Variants in GALNTL5 observed in about 807,000 individuals in gnomAD.
GALNTL5 encodes the protein polypeptide N-acetylgalactosaminyltransferase like 5.
Under a neutral mutation model 51.0 loss-of-function variants are expected in GALNTL5, and 44 were observed. That is an observed-to-expected ratio of 0.86 (90% CI 0.68 to 1.11). The LOEUF (loss-of-function observed/expected upper bound fraction) is 1.11. GALNTL5 is among the 50% of genes least tolerant of loss of function. The pLI, the probability that GALNTL5 is intolerant of heterozygous loss-of-function variation, is 0.00. For missense variants in GALNTL5, 528 were observed against 531.8 expected (o/e 0.99, Z 0.07); for synonymous variants, 192 against 182.8 (o/e 1.05, Z -0.41).
rs142778679 is a variant in GALNTL5, at chr7:152,019,725, G to C, written c.1256G>C (p.Arg419Pro). ...NIRERVELRKRLGCKSFQWYL... is the reference protein window; with the variant it reads ...NIRERVELRKPLGCKSFQWYL... ...CGCGAGCGTGTTGAGTTAAGGAAAC[G>C]ACTGGGTTGCAAGTCATTTCAGTGG... Residue 419 changes from arginine (R) to proline (P), a missense_variant, in exon 9 of 9, where the codon CGA becomes CCA. Arg to Pro is a moderately radical substitution (Grantham distance 103, BLOSUM62 -2). Transcript: ENST00000392800. 1.9e-6 allele frequency: 3 copies of C among 1,613,948 alleles called. No individual in the cohort carries two copies. Among genetic ancestry groups the C allele is most frequent in the Admixed American group, 1.7e-5 (1 of 60,018 alleles).
At chr7:151,975,753 AT>A (rs917071424) in intron 3 of GALNTL5, among the ~76,000 whole-genome samples, 38 of 150,650 alleles carry the variant, frequency 2.5e-4, no homozygotes, top group Non-Finnish European at 3.7e-4. Flanking sequence ...ATGTTTTGGT[AT>A]TTTTTTTTAT....
At chr7:151,963,144 T>C (rs2081012858) in intron 1 of GALNTL5, among the ~76,000 whole-genome samples, 1 of 152,224 alleles carries the variant, frequency 6.6e-6, no homozygotes, top group Non-Finnish European at 1.5e-5. Flanking sequence ...GATGTCATTT[T>C]GACACTCTTT....
chr7:151,965,756 ATGTGCC>A (rs1342912067), intron 1 of GALNTL5, among the ~76,000 whole-genome samples: 1 of 152,088 alleles, frequency 6.6e-6, no homozygotes, highest in African/African-American at 2.4e-5. Flanking sequence ...GCGTGGTGGC[ATGTGCC>A]TGTGGTCTCA....
chr7:152,016,278 C>T (rs1458759907), intron 8 of GALNTL5, among the ~76,000 whole-genome samples: 1 of 152,106 alleles, frequency 6.6e-6, no homozygotes, highest in Non-Finnish European at 1.5e-5. Context: ...ATGGCACACT[C>T]CTGTAGTCCC....
intron 5 of GALNTL5, among the ~76,000 whole-genome samples, chr7:151,989,659 C>A (rs984263069): frequency 7.2e-5 from 11 of 152,146 alleles, no homozygotes; most frequent in Non-Finnish European, 1.5e-4. Context: ...AAAGATAATG[C>A]CAAATTGTCC....
rs771130575 is a variant in GALNTL5 at position 152,002,779 on chromosome 7, C to T, written c.724C>T (p.His242Tyr). The stretch of plus-strand genomic sequence containing the variant: ...CAGAGTATGGCTGGAGCCCCTGCTG[C>T]ATGCCATTGCCAAGGACCCCAAAAT... The part of the protein sequence containing the change: ...VNRVWLEPLL[H>Y]AIAKDPKMVV... Residue 242 changes from histidine (H) to tyrosine (Y), a missense_variant, in exon 6 of 9, where the codon CAT becomes TAT. Physicochemically the swap from His to Tyr is moderately conservative, Grantham distance 83. Transcript: ENST00000392800. The T allele has an allele frequency of 6.2e-7, 1 of 1,614,128 alleles. No individual in the cohort carries two copies. The highest frequency in any genetic ancestry group is 8.5e-7 in the Non-Finnish European group (1 of 1,179,988).
chr7:151,979,320 T>G (rs2081248685), intron 3 of GALNTL5, among the ~76,000 whole-genome samples: 1 of 149,032 alleles, frequency 6.7e-6, no homozygotes, highest in Non-Finnish European at 1.5e-5. Flanking sequence ...TTCACCATGT[T>G]AGCCAGGATG....
intron 7 of GALNTL5, among the ~76,000 whole-genome samples, chr7:152,013,166 G>C (rs1337847414): frequency 2.6e-5 from 4 of 152,042 alleles, no homozygotes; most frequent in Non-Finnish European, 5.9e-5. Context: ...ACAAAGCAGG[G>C]AACAACAGAT....
intron 8 of GALNTL5, among the ~76,000 whole-genome samples, chr7:152,018,544 G>A (rs755788408): frequency 6.6e-6 from 1 of 152,010 alleles, no homozygotes; most frequent in African/African-American, 2.4e-5. Context: ...GACTTTCACA[G>A]AGCAAAAAGT....
intron 2 of GALNTL5, among the ~76,000 whole-genome samples, chr7:151,967,749 G>C (rs2151939219): frequency 6.6e-6 from 1 of 152,174 alleles, no homozygotes; most frequent in East Asian, 1.9e-4. Context: ...CAAGAAATAA[G>C]TTGTAATAGT....
chr7:151,986,925 C>A (rs2081365915), intron 4 of GALNTL5, among the ~76,000 whole-genome samples: 1 of 151,880 alleles, frequency 6.6e-6, no homozygotes, highest in Non-Finnish European at 1.5e-5. Context: ...GGGGTTTTCA[C>A]CATGTTGGCC....
chr7:152,000,921 T>C (rs1263323515), intron 5 of GALNTL5, among the ~76,000 whole-genome samples: 3 of 150,082 alleles, frequency 2.0e-5, no homozygotes, highest in Admixed American at 1.3e-4. Context: ...CTTTTTTTTT[T>C]TTTTGACAGA....
chr7:152,007,987 C>A (rs1477890661), intron 7 of GALNTL5, 43 bp downstream of exon 7: 8 of 1,074,790 alleles, frequency 7.4e-6, no homozygotes, highest in Non-Finnish European at 1.1e-5. Context: ...GAGAGTGAAA[C>A]CTAACTTTGT....
Position 151,967,508 on chromosome 7 carries a change from T to TC in GALNTL5, c.247+15_247+16insC, listed in dbSNP as rs780365848. The TC allele has an allele frequency of 8.2e-5, 132 of 1,605,094 alleles. 2 individuals carry two copies. In the African/African-American group the frequency reaches 1.6e-3, roughly 20 times the overall value. On this transcript the variant is annotated intron_variant, in intron 2 of 8. Coordinates refer to ENST00000392800, the MANE Select transcript of GALNTL5 (RefSeq NM_145292.4). Reference sequence around the variant, plus strand: ...GTCTATGTTAGGTAAGTATTTGGATTTTTTTCCGTTAGCCATTTGAAGGGG... The same window carrying TC: ...GTCTATGTTAGGTAAGTATTTGGATTCTTTTTCCGTTAGCCATTTGAAGGGG...
intron 3 of GALNTL5, among the ~76,000 whole-genome samples, chr7:151,971,587 G>A (rs1236911853): frequency 6.6e-6 from 1 of 151,950 alleles, no homozygotes; most frequent in Non-Finnish European, 1.5e-5. Context: ...TGCAGCCATC[G>A]ATACCATCCA....
At chr7:151,971,143 A>T in intron 3 of GALNTL5, 78 bp downstream of exon 3, 4 of 1,196,514 alleles carry the variant, frequency 3.3e-6, no homozygotes, top group Non-Finnish European at 3.6e-6. Flanking sequence ...AGATAGAAAG[A>T]AAACAGTTAC....
chr7:151,987,042 A>C, intron 4 of GALNTL5, 117 bp from the exon 5 acceptor site: 1 of 923,326 alleles, frequency 1.1e-6, no homozygotes. Context: ...ATTCTCTTTT[A>C]AAGTTAGAAC....
At chr7:151,959,692 CA>C (rs1428589352) in intron 1 of GALNTL5, among the ~76,000 whole-genome samples, 1 of 152,210 alleles carries the variant, frequency 6.6e-6, no homozygotes, top group Non-Finnish European at 1.5e-5. Flanking sequence ...CCTTTGGGAA[CA>C]CTCTCCTTCT....
chr7:152,014,665 C>T lies in GALNTL5; in HGVS notation c.1048C>T (p.Leu350Phe). Reference protein sequence around the residue: ...SLRIWMCGGQLFIIPCSRVGH... With the variant: ...SLRIWMCGGQFFIIPCSRVGH... ...CTAGATCTGGATGTGTGGAGGCCAA[C>T]TCTTTATAATCCCCTGCTCTCGAGT... The change falls in exon 8 of 9, where the codon CTC becomes TTC. Residue 350 changes from leucine to phenylalanine, a missense_variant. Coordinates refer to ENST00000392800, the MANE Select transcript of GALNTL5 (RefSeq NM_145292.4). 6.2e-7 allele frequency: 1 copy of T among 1,608,870 alleles called. No individual in the cohort carries two copies. Among genetic ancestry groups the T allele is most frequent in the African/African-American group, 1.3e-5 (1 of 74,760 alleles).
Sources: allele counts gnomAD v4.1 joint callset (sites outside exome capture counted in the v4.1 genomes callset), GRCh38; gene constraint gnomAD v4.1.1; transcripts MANE v1.5; gene names NCBI Gene and HGNC (gene_info 2026-07-23, HGNC 2026-07-21).